SC5D: variants seen among roughly 807,000 people sequenced by gnomAD.
The protein encoded by SC5D is sterol-C5-desaturase, also known as lathosterol oxidase.
A neutral mutation model predicts 23.9 loss-of-function variants in SC5D; 21 were observed. The ratio of observed to expected loss-of-function variants is 0.88; its 90% CI spans 0.62 to 1.26. The LOEUF (loss-of-function observed/expected upper bound fraction) is 1.26, where lower values mean the gene tolerates loss of function less well. SC5D is among the 50% of genes most tolerant of loss of function. The pLI is 0.00. For missense variants in SC5D, 309 were observed against 364.8 expected (o/e 0.85, Z 1.25); for synonymous variants, 113 against 125.9 (o/e 0.90, Z 0.68).
rs1373555950 is a variant in SC5D, at chr11:121,307,161, C to T, written c.549C>T (p.Tyr183=). ...TTCAGAGTCTACCTTACCATATATACCCTTTTATCTTTCCATTACACAAGG... is the reference window on the plus strand; with the variant it reads ...TTCAGAGTCTACCTTACCATATATATCCTTTTATCTTTCCATTACACAAGG... ...GFLQSLPYHI[Y]PFIFPLHKVV... Residue 183 remains tyrosine (Y), a synonymous_variant, in exon 5 of 5, where the codon TAC becomes TAT. Coordinates refer to ENST00000264027, the MANE Select transcript of SC5D (RefSeq NM_006918.5). 5.0e-6 allele frequency: 8 copies of T among 1,613,816 alleles called. No individual in the cohort carries two copies. In the Admixed American group the frequency reaches 1.3e-4, roughly 27 times the overall value.
chr11:121,302,430 A>G lies in SC5D; in HGVS notation c.-10-936A>G, dbSNP rs114741167. Among the ~76,000 whole-genome samples, 1,008 of 152,340 alleles carry G rather than the reference A, an allele frequency of 6.6e-3. 15 individuals carry two copies. Among genetic ancestry groups the G allele is most frequent in the African/African-American group, 0.023 (959 of 41,580 alleles). The stretch of plus-strand genomic sequence containing the variant: ...AGTCAGATCACAAAAGCTGACCACA[A>G]TATCACCGAACTGTATTGTAACAGG... On this transcript the variant is annotated intron_variant, in intron 1 of 4. Coordinates refer to ENST00000264027, the MANE Select transcript of SC5D (RefSeq NM_006918.5).
chr11:121,303,501 T>A lies in SC5D; in HGVS notation c.126T>A (p.Ala42=). The change falls in exon 2 of 5, where the codon GCT becomes GCA. Residue 42 remains alanine, a synonymous_variant. Coordinates refer to ENST00000264027, the MANE Select transcript of SC5D (RefSeq NM_006918.5). The part of the protein sequence containing the change: ...ISLLIVTNVG[A]YILYFFCATL... ...TTCTGATTGTAACAAATGTTGGTGC[T>A]TACATCCTTTATTTCTTCTGTGCAA... The A allele has an allele frequency of 6.2e-7, 1 of 1,614,014 alleles. No individual in the cohort carries two copies. Among genetic ancestry groups the A allele is most frequent in the Non-Finnish European group, 8.5e-7 (1 of 1,179,930 alleles).
Position 121,311,915 on chromosome 11 carries a change from T to G in SC5D, c.*4403T>G, listed in dbSNP as rs1948013904. ...GCAGAGGGCAGAAGCCTAGATATTT[T>G]CACCTTAAAATTGGAGGGTGAAAGA... On this transcript the variant is annotated 3_prime_UTR_variant, in exon 5 of 5. Transcript: ENST00000264027. Among the ~76,000 whole-genome samples, 1 of 152,198 alleles carries G rather than the reference T, an allele frequency of 6.6e-6. No homozygotes were observed. Among genetic ancestry groups the G allele is most frequent in the African/African-American group, 2.4e-5 (1 of 41,456 alleles).
intron 1 of SC5D, 118 bp from the exon 2 acceptor site, chr11:121,303,248 A>T: frequency 1.3e-6 from 1 of 742,012 alleles, no homozygotes. Flanking sequence ...TGATAGCAGC[A>T]GATGTACTGC....
chr11:121,294,708 T>C (rs1347083981), intron 1 of SC5D, among the ~76,000 whole-genome samples: 1 of 152,170 alleles, frequency 6.6e-6, no homozygotes, highest in Non-Finnish European at 1.5e-5. Flanking sequence ...TTGAGTACCT[T>C]TCTTGGGTCA....
At chr11:121,298,845 T>C (rs371144040) in intron 1 of SC5D, among the ~76,000 whole-genome samples, 1 of 152,156 alleles carries the variant, frequency 6.6e-6, no homozygotes, top group African/African-American at 2.4e-5. Context: ...TGGGGCAGTT[T>C]TGAAGGATTT....
chr11:121,304,586 T>G (rs1947950263), intron 3 of SC5D, 93 bp downstream of exon 3: 2 of 1,057,954 alleles, frequency 1.9e-6, no homozygotes, highest in Non-Finnish European at 2.9e-6. Flanking sequence ...TTTTCATCTT[T>G]TAAAATAATT....
chr11:121,297,786 G>A (rs1438618663), intron 1 of SC5D, among the ~76,000 whole-genome samples: 1 of 152,204 alleles, frequency 6.6e-6, no homozygotes. Context: ...TCATTGCTTT[G>A]TTGATGATGG....
chr11:121,306,594 T>C, intron 4 of SC5D, 108 bp downstream of exon 4: 1 of 720,626 alleles, frequency 1.4e-6, no homozygotes, highest in Non-Finnish European at 2.5e-6. Context: ...ATATTAAATG[T>C]CTAAGTAGCC....
In SC5D at chr11:121,312,765, TA is replaced by T. The variant is rs886047878; in HGVS notation, c.*5258del. Among the ~76,000 whole-genome samples the T allele has an allele frequency of 3.5e-3, 537 of 152,052 alleles. 4 individuals are homozygous for T. The highest frequency in any genetic ancestry group is 0.012 in the African/African-American group (503 of 41,518). On this transcript the variant is annotated 3_prime_UTR_variant, in exon 5 of 5. Coordinates refer to ENST00000264027, the MANE Select transcript of SC5D (RefSeq NM_006918.5). ...CTAAAAATAAAAAAGTATATATATA[TA>T]AAAATATCTTCCTCTATTATAATTT...
chr11:121,301,043 C>G (rs752419042), intron 1 of SC5D, among the ~76,000 whole-genome samples: 8 of 152,122 alleles, frequency 5.3e-5, no homozygotes, highest in Non-Finnish European at 8.8e-5. Context: ...CAAGAGTTAC[C>G]CCATCATATT....
chr11:121,307,591 A>T lies in SC5D; in HGVS notation c.*79A>T. 1.0e-6 allele frequency: 1 copy of T among 983,846 alleles called. No homozygotes were observed. The highest frequency in any genetic ancestry group is 1.5e-6 in the Non-Finnish European group (1 of 672,818). The allele number at this position is 983,846 out of a possible 1,614,324, so 60.9% of individuals were successfully genotyped here. On this transcript the variant is annotated 3_prime_UTR_variant, in exon 5 of 5. Transcript: ENST00000264027. ...TCTTTTTTTTAATAAGGAAAAAATAATATCCATACAGTCAAGATACATAGT... is the reference window on the plus strand; with the variant it reads ...TCTTTTTTTTAATAAGGAAAAAATATTATCCATACAGTCAAGATACATAGT...
At position 121,309,794 on chromosome 11, in the gene SC5D, C is replaced by G. The variant is rs529057939; in HGVS notation, c.*2282C>G. On this transcript the variant is annotated 3_prime_UTR_variant, in exon 5 of 5. Transcript: ENST00000264027. ...CAGTACTGCCACATTCTCCTACTTTCTATTAGAGGAAGTCAGAGAATATTT... is the reference window on the plus strand; with the variant it reads ...CAGTACTGCCACATTCTCCTACTTTGTATTAGAGGAAGTCAGAGAATATTT... 2.0e-4 allele frequency among the ~76,000 whole-genome samples: 31 copies of G among 152,314 alleles called. No individual in the cohort carries two copies. The highest frequency in any genetic ancestry group is 5.9e-5 in the Non-Finnish European group (4 of 68,030).
Position 121,307,107 on chromosome 11 carries a change from T to C in SC5D, c.495T>C (p.Ser165=). The C allele has an allele frequency of 6.2e-7, 1 of 1,614,204 alleles. No individual in the cohort carries two copies. The highest frequency in any genetic ancestry group is 2.2e-5 in the East Asian group (1 of 44,890). ...GGAAGATTCCTACTCCATTTGCAAG[T>C]CATGCTTTTCACCCTATTGATGGCT... is the stretch of plus-strand genomic sequence containing the variant. ...HIWKIPTPFA[S]HAFHPIDGFL... The change falls in exon 5 of 5, where the codon AGT becomes AGC. Residue 165 remains serine (S), a synonymous_variant. Transcript: ENST00000264027.
chr11:121,294,224 T>G (rs1295829314), intron 1 of SC5D, among the ~76,000 whole-genome samples: 1 of 152,206 alleles, frequency 6.6e-6, no homozygotes, highest in African/African-American at 2.4e-5. Context: ...GGTACTTAAT[T>G]TAGGGTCCTT....
intron 1 of SC5D, among the ~76,000 whole-genome samples, chr11:121,299,783 C>T (rs1288514845): frequency 6.6e-6 from 1 of 152,088 alleles, no homozygotes; most frequent in Non-Finnish European, 1.5e-5. Context: ...AGTACCAGCT[C>T]CTCAGGAGGC....
rs141901064 is a variant in SC5D at position 121,300,256 on chromosome 11, G to T, written c.-10-3110G>T. 1.2e-3 allele frequency among the ~76,000 whole-genome samples: 181 copies of T among 152,350 alleles called. 1 individual carries two copies. The highest frequency in any genetic ancestry group is 4.2e-3 in the African/African-American group (174 of 41,576). ...ATTTGAGAAAAGTAGTTGAATCTCA[G>T]TAAGAACAATGAGCTTTGGACATTT... On this transcript the variant is annotated intron_variant, in intron 1 of 4. Coordinates refer to ENST00000264027, the MANE Select transcript of SC5D (RefSeq NM_006918.5).
At position 121,307,092 on chromosome 11, in the gene SC5D, T is replaced by C. The variant is rs1947971612; in HGVS notation, c.480T>C (p.Pro160=). ...AACCTCACCATATTTGGAAGATTCC[T>C]ACTCCATTTGCAAGTCATGCTTTTC... The part of the protein sequence containing the change: ...LHKPHHIWKI[P]TPFASHAFHP... Residue 160 remains proline (P), a synonymous_variant, in exon 5 of 5, where the codon CCT becomes CCC. Transcript: ENST00000264027. 1 of 1,614,194 alleles carries C rather than the reference T, an allele frequency of 6.2e-7. No individual in the cohort carries two copies. The highest frequency in any genetic ancestry group is 8.5e-7 in the Non-Finnish European group (1 of 1,180,010).
intron 2 of SC5D, chr11:121,303,808 T>C (rs1947943034): frequency 4.1e-6 from 2 of 492,602 alleles, no homozygotes; most frequent in African/African-American, 3.9e-5. Context: ...TAGTATCGTA[T>C]CTTGCTAGAT....
Sources: gnomAD v4.1 joint callset for allele counts (sites outside exome capture counted in the v4.1 genomes callset) on GRCh38, gnomAD v4.1.1 for gene constraint, MANE v1.5 for transcripts, NCBI Gene and HGNC (gene_info 2026-07-23, HGNC 2026-07-21) for gene names.